Variants in HMGCLL1 observed in about 807,000 individuals in gnomAD.
HMGCLL1 encodes the protein 3-hydroxy-3-methylglutaryl-CoA lyase like 1, also known as 3-hydroxymethyl-3-methylglutaryl-CoA lyase, cytoplasmic.
HMGCLL1 carries 36 observed loss-of-function variants against 39.1 expected under a neutral mutation model. The observed-to-expected ratio is 0.92, with a 90% CI of 0.71 to 1.22. HMGCLL1 has a LOEUF of 1.22. HMGCLL1 is among the 50% of genes most tolerant of loss of function. The pLI, the probability that HMGCLL1 is intolerant of heterozygous loss-of-function variation, is 0.00. For synonymous variants in HMGCLL1, 149 were observed against 144.0 expected, an observed-to-expected ratio of 1.03 and a Z score of -0.25; for missense variants, 451 against 416.5, an observed-to-expected ratio of 1.08 and a Z score of -0.72.
intron 1 of HMGCLL1, among the ~76,000 whole-genome samples, chr6:55,576,910 G>A (rs888893800): frequency 6.6e-6 from 1 of 152,146 alleles, no homozygotes; most frequent in Non-Finnish European, 1.5e-5. Flanking sequence ...CCTAAGCGAT[G>A]ATGTCAAATG....
the HMGCLL1 span, among the ~76,000 whole-genome samples, chr6:55,588,396 T>C: frequency 2.0e-5 from 3 of 150,232 alleles, no homozygotes; most frequent in Non-Finnish European, 4.5e-5. Flanking sequence ...CTGGGACACA[T>C]TTAAAACAGT....
At chr6:55,468,685 G>A (rs188155469) in intron 7 of HMGCLL1, among the ~76,000 whole-genome samples, 2 of 151,810 alleles carry the variant, frequency 1.3e-5, no homozygotes, top group Non-Finnish European at 2.9e-5. Context: ...ACAGATAAGG[G>A]AACAATGGAG....
At chr6:55,616,058 G>T in the HMGCLL1 span, among the ~76,000 whole-genome samples, 1 of 152,032 alleles carries the variant, frequency 6.6e-6, no homozygotes, top group South Asian at 2.1e-4. Flanking sequence ...ACCCAGTAAA[G>T]CAACAGCCGG....
At chr6:55,482,463 A>C (rs887648202) in intron 7 of HMGCLL1, among the ~76,000 whole-genome samples, 15 of 152,276 alleles carry the variant, frequency 9.9e-5, no homozygotes, top group African/African-American at 3.6e-4. Flanking sequence ...AGTGGGTATT[A>C]ACACTTATAA....
At chr6:55,477,326 AT>A (rs1176363090) in intron 7 of HMGCLL1, among the ~76,000 whole-genome samples, 500 of 16,024 alleles carry the variant, frequency 0.031, 45 homozygotes, top group East Asian at 0.097. Flanking sequence ...TATATATTAT[AT>A]TATATAATAT....
At chr6:55,605,790 C>G in the HMGCLL1 span, among the ~76,000 whole-genome samples, 5 of 152,118 alleles carry the variant, frequency 3.3e-5, no homozygotes, top group Non-Finnish European at 7.4e-5. Context: ...AAATCACCTT[C>G]CCAAACTCCT....
the HMGCLL1 span, among the ~76,000 whole-genome samples, chr6:55,625,344 C>T: frequency 2.0e-5 from 3 of 152,160 alleles, no homozygotes; most frequent in South Asian, 6.2e-4. Flanking sequence ...TGACCGGACT[C>T]GAGAAGGTCC....
At chr6:55,502,987 T>C (rs560536323) in intron 5 of HMGCLL1, among the ~76,000 whole-genome samples, 2,182 of 6,028 alleles carry the variant, frequency 0.36, 48 homozygotes, top group African/African-American at 0.37. Flanking sequence ...AAAGTTTTTT[T>C]CGTTGTCTCC....
At chr6:55,445,258 C>A (rs1763768191) in intron 7 of HMGCLL1, among the ~76,000 whole-genome samples, 1 of 151,838 alleles carries the variant, frequency 6.6e-6, no homozygotes, top group Non-Finnish European at 1.5e-5. Context: ...TATCCTTATA[C>A]TAAATTATAT....
intron 1 of HMGCLL1, among the ~76,000 whole-genome samples, chr6:55,562,288 A>G (rs1770986699): frequency 6.6e-6 from 1 of 152,182 alleles, no homozygotes; most frequent in East Asian, 1.9e-4. Context: ...TAGAATATAC[A>G]GTGTGTTGGG....
the HMGCLL1 span, among the ~76,000 whole-genome samples, chr6:55,607,936 A>G: frequency 6.6e-6 from 1 of 152,162 alleles, no homozygotes; most frequent in Non-Finnish European, 1.5e-5. Context: ...AAGAAACAAA[A>G]CACACTAAAA....
chr6:55,638,407 CAAAAA>C, the HMGCLL1 span, among the ~76,000 whole-genome samples: 1 of 132,768 alleles, frequency 7.5e-6, no homozygotes, highest in Non-Finnish European at 1.6e-5. Flanking sequence ...AACTCAGTCT[CAAAAA>C]AAAAAAAAAA....
At chr6:55,437,631 G>T (rs1198399254) in intron 8 of HMGCLL1, among the ~76,000 whole-genome samples, 1 of 151,924 alleles carries the variant, frequency 6.6e-6, no homozygotes, top group Non-Finnish European at 1.5e-5. Flanking sequence ...GTAATAATAG[G>T]CCAGATTATG....
intron 8 of HMGCLL1, among the ~76,000 whole-genome samples, chr6:55,437,514 G>A (rs1005385801): frequency 6.6e-6 from 1 of 151,940 alleles, no homozygotes; most frequent in African/African-American, 2.4e-5. Flanking sequence ...GAGGATGGAG[G>A]ATATATGGGG....
At chr6:55,438,205 G>A (rs757282819) in intron 8 of HMGCLL1, among the ~76,000 whole-genome samples, 8 of 152,014 alleles carry the variant, frequency 5.3e-5, no homozygotes, top group Non-Finnish European at 1.0e-4. Context: ...ATTAAGATAC[G>A]ATGTAAATGA....
At chr6:55,514,486 C>G (rs1767632759) in intron 4 of HMGCLL1, among the ~76,000 whole-genome samples, 1 of 152,128 alleles carries the variant, frequency 6.6e-6, no homozygotes, top group Non-Finnish European at 1.5e-5. Context: ...GTATTATCTT[C>G]AGAAATACTG....
At chr6:55,638,874 G>A in the HMGCLL1 span, among the ~76,000 whole-genome samples, 15 of 152,190 alleles carry the variant, frequency 9.9e-5, no homozygotes, top group African/African-American at 3.1e-4. Flanking sequence ...AAAGCCAAGA[G>A]TATAATAAAC....
At chr6:55,559,707 C>A (rs894290355) in intron 1 of HMGCLL1, among the ~76,000 whole-genome samples, 2 of 152,100 alleles carry the variant, frequency 1.3e-5, no homozygotes, top group Admixed American at 1.3e-4. Context: ...AAATCTAATT[C>A]TTCGATGTGC....
intron 3 of HMGCLL1, among the ~76,000 whole-genome samples, chr6:55,524,594 T>C (rs1768214836): frequency 6.6e-6 from 1 of 151,668 alleles, no homozygotes; most frequent in Admixed American, 6.6e-5. Flanking sequence ...CCCTAAACCA[T>C]CCAGACATAT....
Sources: gnomAD v4.1 joint callset for allele counts (sites outside exome capture counted in the v4.1 genomes callset) on GRCh38, gnomAD v4.1.1 for gene constraint, MANE v1.5 for transcripts, NCBI Gene and HGNC (gene_info 2026-07-23, HGNC 2026-07-21) for gene names.